PARG: variants seen among roughly 807,000 people sequenced by gnomAD.
PARG encodes mitochondrial poly(ADP-ribose) glycohydrolase.
Under a neutral mutation model 113.0 loss-of-function variants are expected in PARG, and 35 were observed. That is an observed-to-expected ratio of 0.31 (90% confidence interval 0.24 to 0.41). The LOEUF (loss-of-function observed/expected upper bound fraction) is 0.41, where lower values mean the gene tolerates loss of function less well. Ranked by LOEUF, PARG falls within the 10% of genes least tolerant of loss-of-function variation. PARG has a pLI of 1.00. For synonymous variants in PARG, 330 were observed against 409.9 expected (o/e 0.81, Z 2.36); for missense variants, 797 against 1,169.4 (o/e 0.68, Z 4.64).
At position 49,841,912 on chromosome 10, in the gene PARG, G is replaced by A. The variant is rs782073449; in HGVS notation, c.2541+38C>T. 8 of 1,291,782 alleles carry A rather than the reference G, an allele frequency of 6.2e-6. No homozygotes were observed. In the South Asian group the frequency reaches 8.9e-5, roughly 14 times the overall value. 80.0% of individuals were successfully genotyped at this position (1,291,782 alleles called of 1,614,324 possible). ...ATTAATAAAATGGCAGTAAATAGAT[G>A]ACAGCTGCCAGATGAACTAAGAAAT... On this transcript the variant is annotated intron_variant, in intron 15 of 17. Transcript: ENST00000616448.
Position 49,914,241 on chromosome 10 carries a change from C to G in PARG, c.1737+1676G>C, listed in dbSNP as rs1210700092. 2.0e-5 allele frequency among the ~76,000 whole-genome samples: 3 copies of G among 152,344 alleles called. No individual in the cohort carries two copies. The Middle Eastern group carries it at 0.01, about 518-fold the overall frequency. ...ATTACTTCTTACCCCAATTAACCAT[C>G]ATGTCCAATTTAAGCTCAGAAAGTT... On this transcript the variant is annotated intron_variant, in intron 7 of 17. Transcript: ENST00000616448.
intron 7 of PARG, among the ~76,000 whole-genome samples, chr10:49,893,643 T>C (rs1265292999): frequency 6.6e-6 from 1 of 151,914 alleles, no homozygotes; most frequent in Non-Finnish European, 1.5e-5. Context: ...GCCTCCCAAG[T>C]AGCTGGGACT....
At chr10:49,820,354 T>G in intron 16 of PARG, 61 bp from the exon 17 acceptor site, 2 of 1,224,134 alleles carry the variant, frequency 1.6e-6, no homozygotes, top group South Asian at 2.9e-5. Flanking sequence ...TACCTTTAGC[T>G]CTTTACCAGC....
intron 16 of PARG, among the ~76,000 whole-genome samples, chr10:49,824,736 C>T (rs80192548): frequency 0.07 from 10,591 of 152,060 alleles, 518 homozygotes; most frequent in African/African-American, 0.12. Flanking sequence ...AATACTACCT[C>T]GTGATTCCTT....
Position 49,882,659 on chromosome 10 carries a change from C to T in PARG, c.1830+2544G>A, listed in dbSNP as rs545803020. 2.2e-3 allele frequency among the ~76,000 whole-genome samples: 336 copies of T among 150,902 alleles called. 4 individuals carry two copies. The highest frequency in any genetic ancestry group is 7.3e-3 in the African/African-American group (300 of 41,020). ...TAAAATATGGAAACTCTCATATGCA[C>T]GAGGGGAAGAGGATTAAATGGCCCA... On this transcript the variant is annotated intron_variant, in intron 8 of 17. Transcript: ENST00000616448.
At chr10:49,854,339 G>GT (rs1225629147) in intron 13 of PARG, among the ~76,000 whole-genome samples, 5 of 152,270 alleles carry the variant, frequency 3.3e-5, no homozygotes, top group Admixed American at 3.3e-4. Flanking sequence ...TAGGAAAAGC[G>GT]TAATTCTTTT....
At chr10:49,914,173 C>A (rs1385914962) in intron 7 of PARG, among the ~76,000 whole-genome samples, 2 of 152,178 alleles carry the variant, frequency 1.3e-5, no homozygotes, top group Non-Finnish European at 2.9e-5. Flanking sequence ...GGTATTGTAA[C>A]CAATGGCATG....
At chr10:49,939,004 T>C (rs1217610980) in intron 1 of PARG, among the ~76,000 whole-genome samples, 1 of 152,104 alleles carries the variant, frequency 6.6e-6, no homozygotes, top group African/African-American at 2.4e-5. Flanking sequence ...CAAGTATTCA[T>C]TTGGTACCTC....
chr10:49,820,304 G>T lies in PARG; in HGVS notation c.2648-11C>A. On this transcript the variant is annotated splice_polypyrimidine_tract_variant and intron_variant, in intron 16 of 17. Coordinates refer to ENST00000616448, the MANE Select transcript of PARG (RefSeq NM_003631.5). ...ATATCTGTATTAAGGCTGAGGCAAAGAGAAAAGACACGGCTATATCATGAC... is the reference window on the plus strand; with the variant it reads ...ATATCTGTATTAAGGCTGAGGCAAATAGAAAAGACACGGCTATATCATGAC... The T allele has an allele frequency of 6.5e-7, 1 of 1,542,794 alleles. No individual in the cohort carries two copies. Among genetic ancestry groups the T allele is most frequent in the South Asian group, 1.2e-5 (1 of 83,428 alleles).
At chr10:49,859,067 T>G (rs1324636721) in intron 12 of PARG, among the ~76,000 whole-genome samples, 1 of 146,576 alleles carries the variant, frequency 6.8e-6, no homozygotes, top group Non-Finnish European at 1.5e-5. Context: ...AATTGGAGCA[T>G]GGGAGGAAGA....
chr10:49,866,951 T>A (rs2132566539), intron 10 of PARG: 1 of 151,434 alleles, frequency 6.6e-6, no homozygotes, highest in East Asian at 1.9e-4. Flanking sequence ...AAAATACACA[T>A]GTTTAACAAC....
Position 49,832,525 on chromosome 10 carries a change from G to T in PARG, c.2647+278C>A, listed in dbSNP as rs544811724. Among the ~76,000 whole-genome samples the T allele has an allele frequency of 3.3e-5, 5 of 152,266 alleles. No homozygotes were observed. The East Asian group carries it at 9.6e-4, about 29-fold the overall frequency. On this transcript the variant is annotated intron_variant, in intron 16 of 17. Transcript: ENST00000616448. Reference sequence around the variant, plus strand: ...AGTGAAAACTCAGGTTTGAAACTTCGCAGTCATTATATGCTCTTCTCCTCC... The same window carrying T: ...AGTGAAAACTCAGGTTTGAAACTTCTCAGTCATTATATGCTCTTCTCCTCC...
intron 13 of PARG, among the ~76,000 whole-genome samples, chr10:49,845,586 G>A (rs1845466816): frequency 6.6e-6 from 1 of 152,034 alleles, no homozygotes; most frequent in African/African-American, 2.4e-5. Flanking sequence ...CCAGATTATC[G>A]CTTACTTAAT....
chr10:49,827,259 A>G (rs1306572594), intron 16 of PARG, among the ~76,000 whole-genome samples: 6 of 152,250 alleles, frequency 3.9e-5, no homozygotes, highest in Non-Finnish European at 7.3e-5. Context: ...GCTACTGAAT[A>G]TATTTGTTAA....
chr10:49,892,334 T>C (rs1847848413), intron 7 of PARG, among the ~76,000 whole-genome samples: 4 of 152,198 alleles, frequency 2.6e-5, no homozygotes. Flanking sequence ...TTCTCAGATA[T>C]AAACAGATGC....
rs200403391 is a variant in PARG at position 49,898,631 on chromosome 10, C to T, written c.1738-13336G>A. Among the ~76,000 whole-genome samples, 34 of 152,080 alleles carry T rather than the reference C, an allele frequency of 2.2e-4. 1 individual carries two copies. In the East Asian group the frequency reaches 6.2e-3, roughly 28 times the overall value. On this transcript the variant is annotated intron_variant, in intron 7 of 17. Transcript: ENST00000616448. ...CCCTTACCCTAGATTCTTATCTAGT[C>T]TCATTCAGCACATATATATAACATA... is the stretch of plus-strand genomic sequence containing the variant.
intron 16 of PARG, among the ~76,000 whole-genome samples, chr10:49,828,092 C>CAAAAAAAAAAAAA (rs71026274): frequency 9.9e-5 from 5 of 50,408 alleles, no homozygotes; most frequent in South Asian, 9.8e-4. Flanking sequence ...AAAGCTTAAA[C>CAAAAAAAAAAAAA]AAAAAAAAAA....
At chr10:49,837,220 T>C (rs1404031168) in intron 15 of PARG, among the ~76,000 whole-genome samples, 2 of 152,094 alleles carry the variant, frequency 1.3e-5, no homozygotes, top group African/African-American at 4.8e-5. Context: ...GAAAGCACTT[T>C]GTAGGATTGG....
At chr10:49,887,309 A>G (rs1411409738) in intron 7 of PARG, among the ~76,000 whole-genome samples, 1 of 152,224 alleles carries the variant, frequency 6.6e-6, no homozygotes, top group South Asian at 2.1e-4. Flanking sequence ...TCACATTACT[A>G]TAACATACTA....
Sources: allele counts gnomAD v4.1 joint callset (sites outside exome capture counted in the v4.1 genomes callset), GRCh38; gene constraint gnomAD v4.1.1; transcripts MANE v1.5; gene names NCBI Gene and HGNC (gene_info 2026-07-23, HGNC 2026-07-21).